The following FILIP1L variants were observed in gnomAD, a reference collection of about 807,000 sequenced individuals.
FILIP1L encodes filamin A interacting protein 1 like.
Under a neutral mutation model 96.6 loss-of-function variants are expected in FILIP1L, and 55 were observed. The ratio of observed to expected loss-of-function variants is 0.57; its 90% confidence interval spans 0.46 to 0.71. The LOEUF (loss-of-function observed/expected upper bound fraction) is 0.71, where lower values mean the gene tolerates loss of function less well. Among genes scored for constraint, FILIP1L ranks in the 30% least tolerant of loss-of-function variants. FILIP1L has a pLI of 0.00. For missense variants in FILIP1L, 1,304 were observed against 1,321.2 expected (o/e 0.99, Z 0.20); for synonymous variants, 467 against 473.9 (o/e 0.99, Z 0.19).
intron 1 of FILIP1L, among the ~76,000 whole-genome samples, chr3:100,018,692 A>G (rs1168032294): frequency 1.3e-5 from 2 of 151,876 alleles, no homozygotes; most frequent in Non-Finnish European, 2.9e-5. Flanking sequence ...TAAAGCAAGA[A>G]TAGATGAATG....
intron 1 of FILIP1L, among the ~76,000 whole-genome samples, chr3:99,957,680 CT>C (rs1419676409): frequency 4.7e-5 from 1 of 21,214 alleles, no homozygotes; most frequent in Non-Finnish European, 1.1e-4. Context: ...CTCCTTTTCT[CT>C]TTTCTTTCTT....
intron 5 of FILIP1L, 24 bp from the exon 6 acceptor site, chr3:99,830,629 A>AG: frequency 2.2e-6 from 1 of 456,340 alleles, no homozygotes; most frequent in Non-Finnish European, 4.4e-6. Context: ...AGAGAACAAA[A>AG]GGTAATTAAT....
At chr3:99,888,518 C>A (rs963630407) in intron 4 of FILIP1L, among the ~76,000 whole-genome samples, 1 of 152,166 alleles carries the variant, frequency 6.6e-6, no homozygotes, top group Admixed American at 6.5e-5. Context: ...AACAAAAGCA[C>A]CCCTGAATAT....
intron 4 of FILIP1L, among the ~76,000 whole-genome samples, chr3:99,907,546 G>A (rs530868440): frequency 5.0e-4 from 76 of 152,054 alleles, no homozygotes; most frequent in Non-Finnish European, 7.7e-4. Context: ...CGCACCTGGC[G>A]TACCCCTTTA....
intron 1 of FILIP1L, among the ~76,000 whole-genome samples, chr3:100,038,320 GTC>G (rs2065145306): frequency 6.6e-6 from 1 of 152,136 alleles, no homozygotes; most frequent in Non-Finnish European, 1.5e-5. Context: ...GAAGTAATGA[GTC>G]TATTATTTTG....
chr3:99,958,240 A>ATT (rs1009001775), intron 1 of FILIP1L, among the ~76,000 whole-genome samples: 1 of 142,910 alleles, frequency 7.0e-6, no homozygotes, highest in African/African-American at 2.6e-5. Context: ...TATTATTATT[A>ATT]TTATTATTAT....
chr3:100,014,959 A>AT (rs779398385), intron 1 of FILIP1L, among the ~76,000 whole-genome samples: 46 of 85,226 alleles, frequency 5.4e-4, no homozygotes, highest in Non-Finnish European at 7.4e-4. Context: ...TCCAAAAATT[A>AT]TTTCCCCTAC....
At chr3:99,927,318 A>C (rs1267335137) in intron 3 of FILIP1L, among the ~76,000 whole-genome samples, 1 of 151,194 alleles carries the variant, frequency 6.6e-6, no homozygotes, top group Non-Finnish European at 1.5e-5. Context: ...TAATACTGAG[A>C]CTCTTTTATT....
intron 1 of FILIP1L, among the ~76,000 whole-genome samples, chr3:100,037,965 A>G (rs5851193): frequency 0.035 from 3,501 of 100,384 alleles, 163 homozygotes; most frequent in African/African-American, 0.11. Flanking sequence ...TTGGGGGGGG[A>G]GGGAACAGAG....
chr3:100,034,169 G>A (rs552846738), intron 1 of FILIP1L, among the ~76,000 whole-genome samples: 1 of 152,228 alleles, frequency 6.6e-6, no homozygotes, highest in South Asian at 2.1e-4. Flanking sequence ...TCCATTGTGG[G>A]GAAAGTTCCT....
chr3:99,885,813 T>G (rs1705876493), intron 4 of FILIP1L, among the ~76,000 whole-genome samples: 1 of 152,192 alleles, frequency 6.6e-6, no homozygotes, highest in Non-Finnish European at 1.5e-5. Flanking sequence ...AAGGCTTTTG[T>G]GTACATTTAC....
At chr3:99,881,251 T>C (rs1024651422) in intron 4 of FILIP1L, among the ~76,000 whole-genome samples, 2 of 152,166 alleles carry the variant, frequency 1.3e-5, no homozygotes, top group South Asian at 4.2e-4. Context: ...GATTATTAAA[T>C]GGGAAGCAGG....
intron 4 of FILIP1L, among the ~76,000 whole-genome samples, chr3:99,862,994 T>G (rs1044884944): frequency 6.6e-6 from 1 of 152,208 alleles, no homozygotes; most frequent in Non-Finnish European, 1.5e-5. Flanking sequence ...ATTTTTTGGA[T>G]GTGAATGTGT....
chr3:100,072,749 G>A (rs2065784015), intron 1 of FILIP1L, among the ~76,000 whole-genome samples: 1 of 152,172 alleles, frequency 6.6e-6, no homozygotes. Context: ...GACCTCACTT[G>A]ATAATGTATA....
intron 1 of FILIP1L, among the ~76,000 whole-genome samples, chr3:100,000,277 G>C (rs995624513): frequency 6.6e-6 from 1 of 152,082 alleles, no homozygotes; most frequent in African/African-American, 2.4e-5. Context: ...TCATCCAAAG[G>C]GGCCTCCTCT....
intron 1 of FILIP1L, among the ~76,000 whole-genome samples, chr3:99,934,483 C>T (rs1376054516): frequency 2.6e-5 from 4 of 152,132 alleles, no homozygotes; most frequent in Non-Finnish European, 5.9e-5. Context: ...CCCACATAGT[C>T]CTGTGTGGAA....
chr3:99,924,830 G>GT (rs966646727), intron 3 of FILIP1L, among the ~76,000 whole-genome samples: 1 of 152,170 alleles, frequency 6.6e-6, no homozygotes, highest in Non-Finnish European at 1.5e-5. Flanking sequence ...CCAGCAGTGG[G>GT]TTTTTTATCT....
At chr3:100,107,011 A>G (rs1397828412) in intron 1 of FILIP1L, among the ~76,000 whole-genome samples, 1 of 152,190 alleles carries the variant, frequency 6.6e-6, no homozygotes, top group Non-Finnish European at 1.5e-5. Context: ...CTAACTCTCA[A>G]AGAATAAATA....
chr3:99,966,440 G>A (rs1210555498), intron 1 of FILIP1L, among the ~76,000 whole-genome samples: 2 of 152,198 alleles, frequency 1.3e-5, no homozygotes, highest in East Asian at 3.9e-4. Flanking sequence ...GTTAGAACTA[G>A]ATATAATTCA....
Sources: allele counts gnomAD v4.1 joint callset (sites outside exome capture counted in the v4.1 genomes callset), GRCh38; gene constraint gnomAD v4.1.1; transcripts MANE v1.5; gene names NCBI Gene and HGNC (gene_info 2026-07-23, HGNC 2026-07-21).